Variants in GABRB1 observed in about 807,000 individuals in gnomAD.
GABRB1 encodes the protein gamma-aminobutyric acid type A receptor subunit beta1, also known as gamma-aminobutyric acid receptor subunit beta-1.
In GABRB1, 17 loss-of-function variants were observed where a neutral mutation model predicts 51.6. The observed-to-expected ratio is 0.33, with a 90% confidence interval of 0.23 to 0.49. GABRB1 has a LOEUF of 0.49. Ranked by LOEUF, GABRB1 falls within the 20% of genes least tolerant of loss-of-function variation. GABRB1 has a pLI of 0.99. For synonymous variants in GABRB1, 247 were observed against 218.9 expected (o/e 1.13, Z -1.14); for missense variants, 410 against 600.6 (o/e 0.68, Z 3.32).
At chr4:47,096,861 A>G (rs990914546) in intron 3 of GABRB1, among the ~76,000 whole-genome samples, 1 of 152,168 alleles carries the variant, frequency 6.6e-6, no homozygotes, top group Non-Finnish European at 1.5e-5. Flanking sequence ...TCTCCCCTAG[A>G]GCCTCCATCC....
chr4:47,284,973 C>G (rs1478515316), intron 4 of GABRB1, among the ~76,000 whole-genome samples: 1 of 152,046 alleles, frequency 6.6e-6, no homozygotes, highest in Admixed American at 6.6e-5. Context: ...AGGATCGTAC[C>G]CCATGAAATA....
chr4:47,241,961 T>C (rs545566305), intron 4 of GABRB1, among the ~76,000 whole-genome samples: 1 of 152,322 alleles, frequency 6.6e-6, no homozygotes, highest in South Asian at 2.1e-4. Flanking sequence ...TATGTATACA[T>C]GTGCCATGTT....
intron 5 of GABRB1, among the ~76,000 whole-genome samples, chr4:47,357,507 C>A (rs28541521): frequency 0.1 from 15,185 of 152,196 alleles, 949 homozygotes; most frequent in African/African-American, 0.17. Context: ...TTTTCCAGCA[C>A]CCCTTGCAGC....
chr4:47,161,217 C>CTTT, intron 3 of GABRB1, 32 bp from the exon 4 acceptor site: 2 of 1,135,994 alleles, frequency 1.8e-6, no homozygotes, highest in Non-Finnish European at 1.2e-6. Context: ...TAGTAAAATT[C>CTTT]TTTTTTTTTT....
At chr4:47,322,383 A>T (rs1725116092) in intron 5 of GABRB1, among the ~76,000 whole-genome samples, 2 of 152,228 alleles carry the variant, frequency 1.3e-5, no homozygotes, top group African/African-American at 4.8e-5. Flanking sequence ...ATACTTACCT[A>T]AAACAAAGCA....
chr4:47,070,678 C>CTACT (rs953927549), intron 3 of GABRB1, among the ~76,000 whole-genome samples: 2 of 152,164 alleles, frequency 1.3e-5, no homozygotes, highest in African/African-American at 4.8e-5. Flanking sequence ...ATCCAAAATA[C>CTACT]TACTACATCT....
intron 3 of GABRB1, among the ~76,000 whole-genome samples, chr4:47,047,984 A>C (rs1340943177): frequency 1.3e-5 from 2 of 152,108 alleles, no homozygotes; most frequent in Non-Finnish European, 2.9e-5. Flanking sequence ...GCTTCAGAAC[A>C]AAAAAAGATA....
At chr4:47,241,381 A>G (rs1471430858) in intron 4 of GABRB1, among the ~76,000 whole-genome samples, 3 of 152,098 alleles carry the variant, frequency 2.0e-5, no homozygotes, top group African/African-American at 7.2e-5. Context: ...GTGTGTTAGC[A>G]CTGACTAACA....
At chr4:47,398,895 A>G (rs1560368675) in intron 5 of GABRB1, among the ~76,000 whole-genome samples, 1 of 152,062 alleles carries the variant, frequency 6.6e-6, no homozygotes, top group Non-Finnish European at 1.5e-5. Flanking sequence ...GGTTCACGCC[A>G]TTCTCCCGCC....
intron 3 of GABRB1, among the ~76,000 whole-genome samples, chr4:47,090,644 G>C (rs1449828657): frequency 1.3e-5 from 2 of 152,122 alleles, no homozygotes; most frequent in Non-Finnish European, 2.9e-5. Flanking sequence ...ATTGATCTTA[G>C]GGAAGTAGGG....
At chr4:47,136,946 T>C (rs1644889466) in intron 3 of GABRB1, among the ~76,000 whole-genome samples, 1 of 152,090 alleles carries the variant, frequency 6.6e-6, no homozygotes, top group African/African-American at 2.4e-5. Context: ...ACTTATATTT[T>C]TCCAAAAATC....
Position 47,001,353 on chromosome 4 carries a change from A to G in GABRB1, c.-20+7427A>G, listed in dbSNP as rs569205961. ...GAGATGTGGTTTCACCGTGTTAGCC[A>G]GGATGGTCTGAATCTCCTGACCTCG... On this transcript the variant is annotated intron_variant, in intron 1 of 3. Transcript: ENST00000513567. Among the ~76,000 whole-genome samples the G allele has an allele frequency of 3.0e-3, 459 of 152,184 alleles. 3 individuals carry two copies. The highest frequency in any genetic ancestry group is 5.4e-3 in the Non-Finnish European group (368 of 68,024).
intron 3 of GABRB1, among the ~76,000 whole-genome samples, chr4:47,073,449 A>T (rs917306079): frequency 1.3e-5 from 2 of 152,180 alleles, no homozygotes; most frequent in East Asian, 1.9e-4. Flanking sequence ...ATTCAAACAT[A>T]TAGATTGTCC....
chr4:47,012,493 C>G (rs1246336218), intron 1 of GABRB1, among the ~76,000 whole-genome samples: 1 of 152,086 alleles, frequency 6.6e-6, no homozygotes, highest in Admixed American at 6.6e-5. Context: ...ATAATGGTCT[C>G]CAGCTCCATC....
At chr4:47,357,867 T>C (rs1726646080) in intron 5 of GABRB1, among the ~76,000 whole-genome samples, 1 of 152,184 alleles carries the variant, frequency 6.6e-6, no homozygotes, top group South Asian at 2.1e-4. Flanking sequence ...CTACTCAAAC[T>C]AGCCTTATTC....
At chr4:47,113,721 TA>T (rs1715339508) in intron 3 of GABRB1, among the ~76,000 whole-genome samples, 1 of 152,212 alleles carries the variant, frequency 6.6e-6, no homozygotes, top group Non-Finnish European at 1.5e-5. Context: ...TTCAGATAAA[TA>T]AAATACCTTA....
At chr4:47,116,498 A>T (rs1300128055) in intron 3 of GABRB1, among the ~76,000 whole-genome samples, 1 of 152,192 alleles carries the variant, frequency 6.6e-6, no homozygotes, top group East Asian at 1.9e-4. Context: ...TTCTTCATTC[A>T]CTGTCTCTAC....
rs116334374 is a variant in GABRB1 at position 47,167,918 on chromosome 4, C to T, written c.461+6449C>T. The stretch of plus-strand genomic sequence containing the variant: ...GTAAATTTCTGTTTATTATAAATTA[C>T]CCAGTTCATGGTATTCTGTTATAGC... On this transcript the variant is annotated intron_variant, in intron 4 of 8. Transcript: ENST00000295454. Among the ~76,000 whole-genome samples, 1,362 of 152,220 alleles carry T rather than the reference C, an allele frequency of 8.9e-3. 17 individuals carry two copies. The highest frequency in any genetic ancestry group is 0.031 in the African/African-American group (1,286 of 41,546).
chr4:47,003,856 A>C (rs931358052), intron 1 of GABRB1, among the ~76,000 whole-genome samples: 1 of 152,250 alleles, frequency 6.6e-6, no homozygotes, highest in Admixed American at 6.5e-5. Flanking sequence ...TGAACCTAAA[A>C]TGCAATGTCC....
Sources: allele counts gnomAD v4.1 joint callset (sites outside exome capture counted in the v4.1 genomes callset), GRCh38; gene constraint gnomAD v4.1.1; transcripts MANE v1.5; gene names NCBI Gene and HGNC (gene_info 2026-07-23, HGNC 2026-07-21).